The following CLMN variants were observed in gnomAD, a reference collection of about 807,000 sequenced individuals.
The protein encoded by CLMN is calmin (calponin-like, transmembrane).
A neutral mutation model predicts 92.7 loss-of-function variants in CLMN; 57 were observed. That is an observed-to-expected ratio of 0.61 (90% confidence interval 0.50 to 0.77). The LOEUF (loss-of-function observed/expected upper bound fraction) is 0.77, where lower values mean the gene tolerates loss of function less well. CLMN is among the 30% of genes least tolerant of loss of function. The pLI, the probability that CLMN is intolerant of heterozygous loss-of-function variation, is 0.00. For synonymous variants in CLMN, 466 were observed against 470.6 expected (o/e 0.99, Z 0.13); for missense variants, 1,158 against 1,237.5 (o/e 0.94, Z 0.96).
intron 1 of CLMN, among the ~76,000 whole-genome samples, chr14:95,299,796 C>A (rs1900966558): frequency 1.3e-5 from 2 of 152,170 alleles, no homozygotes. Context: ...CCCTGCCCAA[C>A]CTTTGGTTAC....
rs905328823 is a variant in CLMN, at chr14:95,256,882, C to T, written c.83-26749G>A. Among the ~76,000 whole-genome samples, 18 of 152,184 alleles carry T rather than the reference C, an allele frequency of 1.2e-4. No homozygotes were observed. Among genetic ancestry groups the T allele is most frequent in the African/African-American group, 2.9e-4 (12 of 41,514 alleles). ...GGAGCAGGAGCTTGAAGGCCCCATG[C>T]GGTGTTAGCAGATAGGGAAAAGGAG... On this transcript the variant is annotated intron_variant, in intron 1 of 12. Coordinates refer to ENST00000298912, the MANE Select transcript of CLMN (RefSeq NM_024734.4). The surrounding 1 kb of genome is among the most constrained non-coding windows in gnomAD (Gnocchi z 4.9).
At chr14:95,227,159 G>A (rs1462445919) in intron 2 of CLMN, among the ~76,000 whole-genome samples, 3 of 152,182 alleles carry the variant, frequency 2.0e-5, no homozygotes, top group Non-Finnish European at 4.4e-5. Flanking sequence ...CTGTGGCCCA[G>A]CCACCCTTTC....
chr14:95,229,775 G>A (rs1030587448), intron 2 of CLMN, among the ~76,000 whole-genome samples: 1 of 152,078 alleles, frequency 6.6e-6, no homozygotes, highest in African/African-American at 2.4e-5. Flanking sequence ...CTGAGTTTCA[G>A]GTGTTGGTGT....
intron 3 of CLMN, 87 bp from the exon 4 acceptor site, chr14:95,221,861 T>C: frequency 7.8e-7 from 1 of 1,278,306 alleles, no homozygotes; most frequent in South Asian, 1.4e-5. Flanking sequence ...TGTGCTTTAC[T>C]TTTTTCACAT....
Position 95,203,523 on chromosome 14 carries a change from C to T in CLMN, c.1826G>A (p.Ser609Asn). ...CTTCTTTTTGTGAGCAGATTTAATACTCCTTTTACCTAGTTTTTCAGCATG... is the reference window on the plus strand; with the variant it reads ...CTTCTTTTTGTGAGCAGATTTAATATTCCTTTTACCTAGTTTTTCAGCATG... The part of the protein sequence containing the change: ...ENHAEKLGKR[S>N]IKSAHKKKDS... The change falls in exon 9 of 13, where the codon AGT becomes AAT. Residue 609 changes from serine (S) to asparagine (N), a missense_variant. By Grantham distance (46) the Ser-to-Asn change is conservative. Coordinates refer to ENST00000298912, the MANE Select transcript of CLMN (RefSeq NM_024734.4). 3 of 1,614,178 alleles carry T rather than the reference C, an allele frequency of 1.9e-6. 1 individual carries two copies. Among genetic ancestry groups the T allele is most frequent in the South Asian group, 2.2e-5 (2 of 91,076 alleles).
rs1409017491 is a variant in CLMN at position 95,188,091 on chromosome 14, T to C, written c.*3473A>G. The C allele has an allele frequency of 1.3e-5, 2 of 152,220 alleles. No individual in the cohort carries two copies. Among genetic ancestry groups the C allele is most frequent in the African/African-American group, 4.8e-5 (2 of 41,458 alleles). 9.4% of individuals were successfully genotyped at this position (152,220 alleles called of 1,614,324 possible). Reference sequence around the variant, plus strand: ...AATACTGACAGGCAGTGTTCTCCAATGATGAGTCCAGGTGCCCACCTGGTG... The same window carrying C: ...AATACTGACAGGCAGTGTTCTCCAACGATGAGTCCAGGTGCCCACCTGGTG... On this transcript the variant is annotated 3_prime_UTR_variant, in exon 13 of 13. Transcript: ENST00000298912.
intron 1 of CLMN, among the ~76,000 whole-genome samples, chr14:95,319,334 C>A (rs1742435777): frequency 6.6e-6 from 1 of 151,174 alleles, no homozygotes; most frequent in East Asian, 1.9e-4. Flanking sequence ...CACACACACA[C>A]ACACACAGAG....
At chr14:95,248,409 C>T (rs1354153056) in intron 1 of CLMN, among the ~76,000 whole-genome samples, 1 of 152,168 alleles carries the variant, frequency 6.6e-6, no homozygotes, top group Non-Finnish European at 1.5e-5. Flanking sequence ...CTAACCAAGG[C>T]ACAGAGACGT....
intron 1 of CLMN, among the ~76,000 whole-genome samples, chr14:95,283,968 G>A (rs141595408): frequency 1.4e-4 from 22 of 152,316 alleles, no homozygotes; most frequent in South Asian, 4.1e-4. Context: ...TCCAGGCCAC[G>A]TCAGAGACCT....
At chr14:95,301,959 C>T (rs540205809) in intron 1 of CLMN, among the ~76,000 whole-genome samples, 5 of 152,286 alleles carry the variant, frequency 3.3e-5, no homozygotes, top group South Asian at 4.1e-4. Context: ...ACTAAGTGAC[C>T]GATTCATTCA....
chr14:95,183,890 C>T lies in CLMN; in HGVS notation c.*7674G>A, dbSNP rs918129531. 6.6e-6 allele frequency: 1 copy of T among 152,282 alleles called. No individual in the cohort carries two copies. The highest frequency in any genetic ancestry group is 6.5e-5 in the Admixed American group (1 of 15,298). 9.4% of individuals were successfully genotyped at this position (152,282 alleles called of 1,614,324 possible). ...TCCTTTCCGAAATAAACACCTCCCA[C>T]GATTGTTCTAAGGGTCAAGTGAGTT... On this transcript the variant is annotated 3_prime_UTR_variant, in exon 13 of 13. Coordinates refer to ENST00000298912, the MANE Select transcript of CLMN (RefSeq NM_024734.4).
At chr14:95,230,996 C>A (rs1432972801) in intron 1 of CLMN, among the ~76,000 whole-genome samples, 1 of 152,146 alleles carries the variant, frequency 6.6e-6, no homozygotes, top group African/African-American at 2.4e-5. Context: ...TGCCATCCGC[C>A]AAGCACTCAC....
At position 95,230,091 on chromosome 14, in the gene CLMN, A is replaced by C. The variant is rs746504983; in HGVS notation, c.125T>G (p.Ile42Arg). The change falls in exon 2 of 13, where the codon ATA becomes AGA. Residue 42 changes from isoleucine to arginine, a missense_variant. Transcript: ENST00000298912. ...NVQKRTFTRW[I>R]NLHLEKCNPP... ...CATTACCTTTTCTAGATGTAGATTT[A>C]TCCATCGTGTAAAGGTCCTCTTCTG... is the stretch of plus-strand genomic sequence containing the variant. 2 of 1,614,208 alleles carry C rather than the reference A, an allele frequency of 1.2e-6. No homozygotes were observed. Among genetic ancestry groups the C allele is most frequent in the Non-Finnish European group, 1.7e-6 (2 of 1,180,014 alleles).
intron 6 of CLMN, among the ~76,000 whole-genome samples, chr14:95,212,346 G>A (rs1897222676): frequency 6.6e-6 from 1 of 152,162 alleles, no homozygotes; most frequent in Non-Finnish European, 1.5e-5. Flanking sequence ...GAGCTGGGGC[G>A]GCCCCGAGTT....
intron 8 of CLMN, among the ~76,000 whole-genome samples, chr14:95,207,506 T>C (rs1897078394): frequency 6.6e-6 from 1 of 152,212 alleles, no homozygotes; most frequent in African/African-American, 2.4e-5. Context: ...ATTGACCAAG[T>C]CACCATTATT....
At chr14:95,280,726 A>G (rs28762372) in intron 1 of CLMN, among the ~76,000 whole-genome samples, 13,143 of 152,172 alleles carry the variant, frequency 0.086, 708 homozygotes, top group African/African-American at 0.14. Context: ...TCAAGTATGA[A>G]ATGGTGTTTG....
chr14:95,219,136 C>T (rs1897446345), intron 4 of CLMN, among the ~76,000 whole-genome samples: 1 of 152,224 alleles, frequency 6.6e-6, no homozygotes. Context: ...AGAAGTCTCT[C>T]AGGCCCACAA....
chr14:95,251,311 G>T (rs1203739422), intron 1 of CLMN, among the ~76,000 whole-genome samples: 1 of 152,120 alleles, frequency 6.6e-6, no homozygotes, highest in Non-Finnish European at 1.5e-5. Context: ...GCTGTGAATC[G>T]AATCCCATAT....
At chr14:95,241,100 C>T (rs1466817186) in intron 1 of CLMN, among the ~76,000 whole-genome samples, 1 of 152,030 alleles carries the variant, frequency 6.6e-6, no homozygotes, top group Non-Finnish European at 1.5e-5. Context: ...GTGAAAAACA[C>T]ACAACCTCAT....
Sources: allele counts gnomAD v4.1 joint callset (sites outside exome capture counted in the v4.1 genomes callset), GRCh38; gene constraint gnomAD v4.1.1; non-coding constraint Gnocchi (gnomAD v3.1); transcripts MANE v1.5; gene names NCBI Gene and HGNC (gene_info 2026-07-23, HGNC 2026-07-21).